Variants in MKLN1 observed in about 807,000 individuals in gnomAD.
MKLN1 encodes muskelin.
MKLN1 carries 18 observed loss-of-function variants against 99.0 expected under a neutral mutation model. The observed-to-expected ratio is 0.18, with a 90% CI of 0.13 to 0.27. MKLN1 has a LOEUF of 0.27. Ranked by LOEUF, MKLN1 falls within the 10% of genes least tolerant of loss-of-function variation. The pLI, the probability that MKLN1 is intolerant of heterozygous loss-of-function variation, is 1.00. For missense variants in MKLN1, 621 were observed against 875.9 expected, an observed-to-expected ratio of 0.71 and a Z score of 3.67; for synonymous variants, 288 against 293.2, an observed-to-expected ratio of 0.98 and a Z score of 0.18.
At chr7:131,173,748 C>T (rs559430093) in intron 2 of MKLN1, among the ~76,000 whole-genome samples, 2 of 152,020 alleles carry the variant, frequency 1.3e-5, no homozygotes, top group African/African-American at 4.8e-5. Flanking sequence ...CACAGAGAAA[C>T]ATAGTTTTCA....
chr7:131,229,611 G>A (rs1305254348), intron 3 of MKLN1, among the ~76,000 whole-genome samples: 1 of 152,042 alleles, frequency 6.6e-6, no homozygotes, highest in Non-Finnish European at 1.5e-5. Context: ...GGACACATGT[G>A]GTGACAAGAC....
intron 10 of MKLN1, among the ~76,000 whole-genome samples, chr7:131,441,199 T>C (rs1795828193): frequency 6.6e-6 from 1 of 152,162 alleles, no homozygotes; most frequent in East Asian, 1.9e-4. Context: ...CTCAGCTCAT[T>C]GATATTCTCA....
At chr7:131,202,534 C>T (rs951936391) in intron 2 of MKLN1, among the ~76,000 whole-genome samples, 9 of 152,272 alleles carry the variant, frequency 5.9e-5, no homozygotes, top group South Asian at 2.1e-4. Flanking sequence ...TGAGCCACCG[C>T]GGCTCCCTGG....
At chr7:131,416,496 A>G (rs1343449991) in intron 8 of MKLN1, among the ~76,000 whole-genome samples, 1 of 151,494 alleles carries the variant, frequency 6.6e-6, no homozygotes, top group Non-Finnish European at 1.5e-5. Flanking sequence ...ACTTACAATA[A>G]AGTTATAAAG....
chr7:131,169,876 A>T (rs1481384372), intron 2 of MKLN1, among the ~76,000 whole-genome samples: 1 of 152,230 alleles, frequency 6.6e-6, no homozygotes, highest in Non-Finnish European at 1.5e-5. Flanking sequence ...AATGTTCACC[A>T]TTATTACAGC....
chr7:131,402,736 A>G (rs1456219154), intron 6 of MKLN1, among the ~76,000 whole-genome samples: 1 of 152,224 alleles, frequency 6.6e-6, no homozygotes, highest in Non-Finnish European at 1.5e-5. Context: ...CTTGGGTGAC[A>G]GGTGCATTGT....
chr7:131,242,977 G>T (rs914900303), intron 3 of MKLN1: 2 of 628,332 alleles, frequency 3.2e-6, no homozygotes, highest in African/African-American at 1.8e-5. Flanking sequence ...AAGAACAAGC[G>T]GTTCTTCCAG....
intron 10 of MKLN1, 47 bp downstream of exon 10, chr7:131,438,044 G>A: frequency 7.0e-7 from 1 of 1,418,858 alleles, no homozygotes; most frequent in Non-Finnish European, 1.0e-6. Flanking sequence ...AGTGCTTAGT[G>A]ATTCTTGCAA....
chr7:131,326,955 T>C (rs1014665224), upstream of MKLN1: 2 of 152,242 alleles, frequency 1.3e-5, no homozygotes, highest in East Asian at 1.9e-4. Context: ...GGAATAAATA[T>C]GCATAACTAC....
At chr7:131,351,258 A>AT in intron 1 of MKLN1, among the ~76,000 whole-genome samples, 1 of 151,666 alleles carries the variant, frequency 6.6e-6, no homozygotes. Flanking sequence ...TTTTAAAAAA[A>AT]CAAAAAGAAG....
In MKLN1 at chr7:131,496,162, T is replaced by TA. The variant is rs1166267652; in HGVS notation, c.*8436dup. 1 of 152,142 alleles carries TA rather than the reference T, an allele frequency of 6.6e-6. No homozygotes were observed. Among genetic ancestry groups the TA allele is most frequent in the Non-Finnish European group, 1.5e-5 (1 of 68,038 alleles). 9.4% of individuals were successfully genotyped at this position (152,142 alleles called of 1,614,324 possible). A position where few individuals can be genotyped will look rare whatever the true frequency, so the allele number is the denominator to read the frequency against. The stretch of plus-strand genomic sequence containing the variant: ...AGACTCAATGTGTGGAGAAAACCGC[T>TA]AACTTGTTTGGTTCTACTCTTACCC... On this transcript the variant is annotated 3_prime_UTR_variant, in exon 18 of 18. Coordinates refer to ENST00000352689, the MANE Select transcript of MKLN1 (RefSeq NM_013255.5).
At chr7:131,312,556 G>A (rs1283879906) in intron 3 of MKLN1, among the ~76,000 whole-genome samples, 1 of 151,950 alleles carries the variant, frequency 6.6e-6, no homozygotes, top group Non-Finnish European at 1.5e-5. Flanking sequence ...TTTACAACTT[G>A]CTTACACCTT....
chr7:131,390,204 T>A (rs1285365429), intron 4 of MKLN1, among the ~76,000 whole-genome samples: 2 of 152,214 alleles, frequency 1.3e-5, no homozygotes, highest in African/African-American at 4.8e-5. Flanking sequence ...TTCCAGTATG[T>A]CACTTTGTAG....
intron 1 of MKLN1, among the ~76,000 whole-genome samples, chr7:131,115,489 T>A (rs1485029658): frequency 2.0e-5 from 3 of 152,178 alleles, no homozygotes; most frequent in Admixed American, 6.5e-5. Flanking sequence ...TTGTCCTCAT[T>A]CACCACAGCA....
intron 10 of MKLN1, among the ~76,000 whole-genome samples, chr7:131,439,316 A>G (rs1050135915): frequency 6.6e-5 from 10 of 152,154 alleles, no homozygotes; most frequent in Non-Finnish European, 1.0e-4. Context: ...TGAAAAAAGA[A>G]TAGCTTAGGA....
At chr7:131,433,963 A>G (rs922548156) in intron 9 of MKLN1, among the ~76,000 whole-genome samples, 8 of 151,186 alleles carry the variant, frequency 5.3e-5, no homozygotes, top group African/African-American at 1.9e-4. Context: ...GGCTCACTGC[A>G]ACCCCCTTCT....
At chr7:131,111,251 TCAC>T (rs889114238) in intron 1 of MKLN1, among the ~76,000 whole-genome samples, 1 of 152,340 alleles carries the variant, frequency 6.6e-6, no homozygotes, top group Admixed American at 6.5e-5. Context: ...TGCTCTCTAA[TCAC>T]CAGCGTGTTC....
intron 2 of MKLN1, among the ~76,000 whole-genome samples, chr7:131,191,287 A>G (rs780912216): frequency 5.9e-5 from 9 of 152,204 alleles, no homozygotes; most frequent in Admixed American, 5.2e-4. Context: ...AAGGCTGCTT[A>G]CTCCAGCAGA....
At chr7:131,142,993 G>C in intron 2 of MKLN1, 1 of 1,206,750 alleles carries the variant, frequency 8.3e-7, no homozygotes, top group Non-Finnish European at 1.1e-6. Context: ...AAAAAGTACT[G>C]TACCTATATA....
Sources: gnomAD v4.1 joint callset for allele counts (sites outside exome capture counted in the v4.1 genomes callset) on GRCh38, gnomAD v4.1.1 for gene constraint, MANE v1.5 for transcripts, NCBI Gene and HGNC (gene_info 2026-07-23, HGNC 2026-07-21) for gene names.